BIRC6: variants seen among roughly 807,000 people sequenced by gnomAD.
BIRC6 encodes baculoviral IAP repeat containing 6.
In BIRC6, 98 loss-of-function variants were observed where a neutral mutation model predicts 503.3. The observed-to-expected ratio is 0.19, with a 90% CI of 0.17 to 0.23. BIRC6 has a LOEUF of 0.23. BIRC6 is among the 10% of genes least tolerant of loss of function. The pLI, the probability that BIRC6 is intolerant of heterozygous loss-of-function variation, is 1.00. For synonymous variants in BIRC6, 2,240 were observed against 2,078.7 expected, an observed-to-expected ratio of 1.08 and a Z score of -2.11; for missense variants, 5,360 against 5,806.0, an observed-to-expected ratio of 0.92 and a Z score of 2.50.
chr2:32,472,880 G>T, intron 32 of BIRC6: 1 of 342,934 alleles, frequency 2.9e-6, no homozygotes, highest in East Asian at 5.9e-5. Flanking sequence ...AAAGATTGGA[G>T]ACAGAGGGAA....
In BIRC6 at chr2:32,473,461, C is replaced by T. The variant is rs144924851; in HGVS notation, c.6720+222C>T. 1.7e-4 allele frequency among the ~76,000 whole-genome samples: 26 copies of T among 152,150 alleles called. No homozygotes were observed. In the East Asian group the frequency reaches 4.8e-3, roughly 28 times the overall value. ...TGTTCCTTTAACATTTACTGTTATA[C>T]ATCTCTATTACTACTATTCTAAATG... is the stretch of plus-strand genomic sequence containing the variant. On this transcript the variant is annotated intron_variant, in intron 33 of 73. Coordinates refer to ENST00000421745, the MANE Select transcript of BIRC6 (RefSeq NM_016252.4).
chr2:32,591,711 A>C (rs2061391053), intron 66 of BIRC6, among the ~76,000 whole-genome samples: 1 of 152,224 alleles, frequency 6.6e-6, no homozygotes, highest in African/African-American at 2.4e-5. Flanking sequence ...TTATAGGCTT[A>C]GGAAACTATA....
intron 61 of BIRC6, among the ~76,000 whole-genome samples, chr2:32,539,899 A>G (rs577373254): frequency 1.3e-5 from 2 of 152,218 alleles, no homozygotes; most frequent in South Asian, 4.1e-4. Context: ...TTGATAAACT[A>G]TGAAAAATTT....
chr2:32,475,571 A>G (rs1165986905), intron 33 of BIRC6, among the ~76,000 whole-genome samples: 1 of 152,248 alleles, frequency 6.6e-6, no homozygotes, highest in Non-Finnish European at 1.5e-5. Flanking sequence ...ATACGTACAC[A>G]GACAAACACA....
chr2:32,535,130 A>G (rs1286253701), intron 61 of BIRC6, among the ~76,000 whole-genome samples: 2 of 122,212 alleles, frequency 1.6e-5, no homozygotes, highest in African/African-American at 6.4e-5. Context: ...ACATAACAAG[A>G]CCTCATACCC....
At chr2:32,532,074 A>G (rs1184071935) in intron 61 of BIRC6, 1 of 526,256 alleles carries the variant, frequency 1.9e-6, no homozygotes, top group East Asian at 5.5e-5. Context: ...GGAGAGTTGT[A>G]AAAACAAAAC....
intron 9 of BIRC6, among the ~76,000 whole-genome samples, chr2:32,411,670 G>A (rs2041901816): frequency 6.6e-6 from 1 of 151,658 alleles, no homozygotes; most frequent in Non-Finnish European, 1.5e-5. Context: ...TAGAGACGGG[G>A]TTTCACCATG....
Position 32,617,961 on chromosome 2 carries a change from T to A in BIRC6, c.*57T>A, listed in dbSNP as rs963855657. On this transcript the variant is annotated 3_prime_UTR_variant, in exon 74 of 74. Transcript: ENST00000421745. ...GGCTTCGAAGCACAAGCCAAATATG[T>A]CAATATTTGTATGTAAGAAACTAAT... is the stretch of plus-strand genomic sequence containing the variant. 2 of 1,475,176 alleles carry A rather than the reference T, an allele frequency of 1.4e-6. No individual in the cohort carries two copies. Among genetic ancestry groups the A allele is most frequent in the Non-Finnish European group, 1.9e-6 (2 of 1,080,804 alleles). The allele number at this position is 1,475,176 out of a possible 1,614,324, so 91.4% of individuals were successfully genotyped here.
At chr2:32,558,838 A>G (rs1197449253) in intron 65 of BIRC6, 1 of 152,202 alleles carries the variant, frequency 6.6e-6, no homozygotes, top group African/African-American at 2.4e-5. Flanking sequence ...ATCTGTGGTA[A>G]ATTTCACTGT....
intron 3 of BIRC6, among the ~76,000 whole-genome samples, chr2:32,384,455 G>T (rs2038154085): frequency 6.6e-6 from 1 of 151,554 alleles, no homozygotes; most frequent in Non-Finnish European, 1.5e-5. Flanking sequence ...CATTCTGTCA[G>T]TCCACAGGCA....
chr2:32,574,570 A>C (rs543154948), intron 65 of BIRC6: 24 of 155,522 alleles, frequency 1.5e-4, no homozygotes, highest in African/African-American at 5.5e-4. Context: ...AAAATCATAG[A>C]AAATATATTT....
intron 10 of BIRC6, among the ~76,000 whole-genome samples, chr2:32,417,596 A>C (rs1489573826): frequency 6.6e-6 from 1 of 152,190 alleles, no homozygotes; most frequent in African/African-American, 2.4e-5. Flanking sequence ...ACTGTAACTA[A>C]GGCATGGCAG....
intron 65 of BIRC6, 51 bp downstream of exon 65, chr2:32,549,532 T>G: frequency 7.8e-7 from 1 of 1,276,718 alleles, no homozygotes; most frequent in Non-Finnish European, 1.0e-6. Context: ...TGTTTGCTTA[T>G]TTTATCATTG....
chr2:32,462,414 G>A (rs1029485558), intron 23 of BIRC6, among the ~76,000 whole-genome samples: 3 of 152,142 alleles, frequency 2.0e-5, no homozygotes, highest in African/African-American at 4.8e-5. Flanking sequence ...AAAGAAATCT[G>A]TTGTAGGGTT....
At chr2:32,507,885 C>T (rs1194570024) in intron 50 of BIRC6, 95 bp from the exon 51 acceptor site, 2 of 1,187,272 alleles carry the variant, frequency 1.7e-6, no homozygotes, top group Non-Finnish European at 2.3e-6. Context: ...ATGATGAATA[C>T]AACTGTGAAA....
Position 32,503,075 on chromosome 2 carries a change from C to G in BIRC6, c.9338C>G (p.Thr3113Ser). ...CAGCTCATATGCAATAATATGGTTACTAGTACAAGGGCTATTGTGAACACT... is the reference window on the plus strand; with the variant it reads ...CAGCTCATATGCAATAATATGGTTAGTAGTACAAGGGCTATTGTGAACACT... The part of the protein sequence containing the change: ...GVQLICNNMV[T>S]STRAIVNTAR... Residue 3113 changes from threonine (T) to serine (S), a missense_variant, in exon 49 of 74, where the codon ACT (threonine) becomes AGT (serine). This residue lies in a region of BIRC6 where 267 missense variants were observed against 287.6 expected (regional missense o/e 0.93). Coordinates refer to ENST00000421745, the MANE Select transcript of BIRC6 (RefSeq NM_016252.4). 6.2e-7 allele frequency: 1 copy of G among 1,606,530 alleles called. No individual in the cohort carries two copies. The highest frequency in any genetic ancestry group is 8.5e-7 in the Non-Finnish European group (1 of 1,176,468).
chr2:32,383,590 G>A lies in BIRC6; in HGVS notation c.645+3300G>A, dbSNP rs569776215. 3.6e-4 allele frequency among the ~76,000 whole-genome samples: 55 copies of A among 152,184 alleles called. 1 individual carries two copies. In the South Asian group the frequency reaches 0.011, roughly 31 times the overall value. On this transcript the variant is annotated intron_variant, in intron 3 of 73. Coordinates refer to ENST00000421745, the MANE Select transcript of BIRC6 (RefSeq NM_016252.4). ...CTCACTTTGTCACCCAGGCTGGAGTGCAGTGATCTCAGCTCACTGCAACCT... is the reference window on the plus strand; with the variant it reads ...CTCACTTTGTCACCCAGGCTGGAGTACAGTGATCTCAGCTCACTGCAACCT...
chr2:32,456,993 A>G (rs1427678394), intron 23 of BIRC6, among the ~76,000 whole-genome samples: 1 of 151,968 alleles, frequency 6.6e-6, no homozygotes, highest in East Asian at 1.9e-4. Flanking sequence ...TTGGGCTCGA[A>G]TGTCCCTCCT....
chr2:32,606,361 G>C (rs1017391396), intron 71 of BIRC6, among the ~76,000 whole-genome samples: 5 of 152,024 alleles, frequency 3.3e-5, no homozygotes, highest in Admixed American at 2.0e-4. Flanking sequence ...GCCAAGGTGG[G>C]CAGATCACCT....
Sources: allele counts gnomAD v4.1 joint callset (sites outside exome capture counted in the v4.1 genomes callset), GRCh38; gene constraint gnomAD v4.1.1; regional missense constraint gnomAD v4.1.1; transcripts MANE v1.5; gene names NCBI Gene and HGNC (gene_info 2026-07-23, HGNC 2026-07-21).